The following EIF5 variants were observed in gnomAD, a reference collection of about 807,000 sequenced individuals.
EIF5 encodes eukaryotic translation initiation factor 5.
EIF5 carries 10 observed loss-of-function variants against 48.3 expected under a neutral mutation model. The ratio of observed to expected loss-of-function variants is 0.21; its 90% confidence interval spans 0.13 to 0.35. The LOEUF (loss-of-function observed/expected upper bound fraction) is 0.35, where lower values mean the gene tolerates loss of function less well. Ranked by LOEUF, EIF5 falls within the 10% of genes least tolerant of loss-of-function variation. The pLI is 1.00. For missense variants in EIF5, 397 were observed against 533.2 expected (o/e 0.74, Z 2.51); for synonymous variants, 237 against 173.1 (o/e 1.37, Z -2.90).
intron 5 of EIF5, 87 bp from the exon 6 acceptor site, chr14:103,337,029 G>C: frequency 7.3e-7 from 1 of 1,371,490 alleles, no homozygotes; most frequent in South Asian, 1.4e-5. Context: ...AGTTTTCTTT[G>C]CATGTGAAGC....
chr14:103,335,003 G>C (rs551729376), intron 2 of EIF5: 2 of 152,342 alleles, frequency 1.3e-5, no homozygotes, highest in Non-Finnish European at 1.5e-5. Flanking sequence ...GGAGCTGCCC[G>C]GTTCGCCAGC....
Position 103,338,726 on chromosome 14 carries a change from C to T in EIF5, c.586-9C>T. 2 of 1,611,194 alleles carry T rather than the reference C, an allele frequency of 1.2e-6. No homozygotes were observed. Among genetic ancestry groups the T allele is most frequent in the Admixed American group, 1.7e-5 (1 of 59,232 alleles). The stretch of plus-strand genomic sequence containing the variant: ...GCCTTTGATCAAGTAGCTCTGTTTT[C>T]ATAAACAGGAAGAAGAGGAGGATGA... On this transcript the variant is annotated splice_polypyrimidine_tract_variant and intron_variant, in intron 7 of 11. Coordinates refer to ENST00000216554, the MANE Select transcript of EIF5 (RefSeq NM_001969.5).
At chr14:103,337,825 C>T (rs1193863689) in intron 6 of EIF5, 3 of 505,824 alleles carry the variant, frequency 5.9e-6, no homozygotes, top group Admixed American at 2.0e-5. Context: ...AAAGAGGGCC[C>T]CCTTCATTAA....
In EIF5 at chr14:103,334,444, C is replaced by T. The variant is rs1253600592; in HGVS notation, c.-362C>T. The T allele has an allele frequency of 2.6e-5, 4 of 152,648 alleles. No homozygotes were observed. Among genetic ancestry groups the T allele is most frequent in the Admixed American group, 6.5e-5 (1 of 15,276 alleles). The allele number at this position is 152,648 out of a possible 1,614,324, so 9.5% of individuals were successfully genotyped here. A position where few individuals can be genotyped will look rare whatever the true frequency, so the allele number is the denominator to read the frequency against. ...ACCGCGGACGTCGCTGGGACAGCCC[C>T]TCCCCGCTGCTCGGCGGCGGCACCT... On this transcript the variant is annotated 5_prime_UTR_variant, in exon 2 of 12. Coordinates refer to ENST00000216554, the MANE Select transcript of EIF5 (RefSeq NM_001969.5).
At position 103,338,289 on chromosome 14, in the gene EIF5, T is replaced by C. The variant is rs575776506; in HGVS notation, c.440-38T>C. On this transcript the variant is annotated intron_variant, in intron 6 of 11. Transcript: ENST00000216554. Reference sequence around the variant, plus strand: ...ATGATGGGCAATGAGGTAATGTAAGTTATGGGGTTAAATTTTTATTTCCCT... The same window carrying C: ...ATGATGGGCAATGAGGTAATGTAAGCTATGGGGTTAAATTTTTATTTCCCT... The C allele has an allele frequency of 6.9e-6, 11 of 1,602,554 alleles. No homozygotes were observed. The Admixed American group carries it at 1.0e-4, about 15-fold the overall frequency.
At chr14:103,337,317 A>G (rs775025010) in intron 6 of EIF5, 90 bp downstream of exon 6, 11 of 1,140,648 alleles carry the variant, frequency 9.6e-6, no homozygotes, top group Non-Finnish European at 1.3e-5. Flanking sequence ...ATAGGAATGT[A>G]AGGGAGACTG....
rs755543880 is a variant in EIF5, at chr14:103,336,825, A to G, written c.303A>G (p.Glu101=). 8 of 1,613,332 alleles carry G rather than the reference A, an allele frequency of 5.0e-6. No homozygotes were observed. The African/African-American group carries it at 8.0e-5, about 16-fold the overall frequency. The change falls in exon 5 of 12, where the codon GAA becomes GAG. Residue 101 remains glutamate, a synonymous_variant. Transcript: ENST00000216554. ...GFIKKFVLCP[E]CENPETDLHV... is the part of the protein sequence containing the mutation. ...TTAAAAAATTTGTTCTCTGTCCTGA[A>G]TGTGAGAATCCTGAAACAGATTTGG...
intron 6 of EIF5, chr14:103,337,483 T>G: frequency 2.3e-6 from 1 of 443,316 alleles, no homozygotes; most frequent in Non-Finnish European, 4.0e-6. Flanking sequence ...GCTCCTGTAA[T>G]CCCAGCTACT....
Position 103,339,267 on chromosome 14 carries a change from A to T in EIF5, c.840A>T (p.Leu280=), listed in dbSNP as rs1566722469. ...TAAAAGCCATGGGCCCTCTTGTTCTAACTGAAGTTCTTTTTAATGAGAAGA... is the reference window on the plus strand; with the variant it reads ...TAAAAGCCATGGGCCCTCTTGTTCTTACTGAAGTTCTTTTTAATGAGAAGA... ...LDVKAMGPLV[L]TEVLFNEKIR... is the part of the protein sequence containing the mutation. Residue 280 remains leucine, a synonymous_variant, in exon 9 of 12, where the codon CTA becomes CTT. Coordinates refer to ENST00000216554, the MANE Select transcript of EIF5 (RefSeq NM_001969.5). The T allele has an allele frequency of 3.1e-6, 5 of 1,611,236 alleles. No homozygotes were observed. Among genetic ancestry groups the T allele is most frequent in the Non-Finnish European group, 4.2e-6 (5 of 1,179,362 alleles).
intron 7 of EIF5, 47 bp downstream of exon 7, chr14:103,338,519 T>C: frequency 6.5e-7 from 1 of 1,534,414 alleles, no homozygotes; most frequent in Non-Finnish European, 8.8e-7. Flanking sequence ...TTGTGTAAAG[T>C]ATATGGCATT....
chr14:103,335,193 A>T (rs575592161), intron 2 of EIF5: 1 of 152,298 alleles, frequency 6.6e-6, no homozygotes, highest in Non-Finnish European at 1.5e-5. Context: ...GAAGTAAGCC[A>T]TGGTTGCCGA....
In EIF5 at chr14:103,335,637, T is replaced by C; in HGVS notation, c.-208-16T>C. The C allele has an allele frequency of 1.8e-6, 1 of 568,176 alleles. No homozygotes were observed. Among genetic ancestry groups the C allele is most frequent in the Non-Finnish European group, 3.1e-6 (1 of 319,306 alleles). The allele number at this position is 568,176 out of a possible 1,614,324, so 35.2% of individuals were successfully genotyped here. A position where few individuals can be genotyped will look rare whatever the true frequency, so the allele number is the denominator to read the frequency against. On this transcript the variant is annotated splice_polypyrimidine_tract_variant and intron_variant, in intron 2 of 11. Coordinates refer to ENST00000216554, the MANE Select transcript of EIF5 (RefSeq NM_001969.5). Reference sequence around the variant, plus strand: ...CCTGGGGGGATTTTTGTGTGTTCTTTCCCTTTTTCTTTCAGAGCTGTTGCG... The same window carrying C: ...CCTGGGGGGATTTTTGTGTGTTCTTCCCCTTTTTCTTTCAGAGCTGTTGCG...
chr14:103,337,957 T>TTA, intron 6 of EIF5: 1 of 534,642 alleles, frequency 1.9e-6, no homozygotes, highest in Non-Finnish European at 3.7e-6. Flanking sequence ...GACAAGCCGT[T>TTA]ATATAGACTT....
rs1299269640 is a variant in EIF5 at position 103,337,214 on chromosome 14, C to T, written c.426C>T (p.Leu142=). 1 of 1,611,516 alleles carries T rather than the reference C, an allele frequency of 6.2e-7. No homozygotes were observed. Among genetic ancestry groups the T allele is most frequent in the Non-Finnish European group, 8.5e-7 (1 of 1,179,292 alleles). The part of the protein sequence containing the change: ...DTHHKLCTFI[L]KNPPENSDSG... ...ATCATAAACTCTGCACATTCATTCT[C>T]AAAAACCCACCTGGTGAGTCTTCCA... Residue 142 remains leucine, a synonymous_variant, in exon 6 of 12, where the codon CTC becomes CTT. Coordinates refer to ENST00000216554, the MANE Select transcript of EIF5 (RefSeq NM_001969.5).
intron 10 of EIF5, 95 bp from the exon 11 acceptor site, chr14:103,340,332 G>A: frequency 7.3e-7 from 1 of 1,377,854 alleles, no homozygotes; most frequent in Non-Finnish European, 1.0e-6. Context: ...AGACTTGTTA[G>A]GACCCAGTCC....
intron 6 of EIF5, 21 bp from the exon 7 acceptor site, chr14:103,338,306 T>C (rs774644625): frequency 6.2e-7 from 1 of 1,607,558 alleles, no homozygotes. Flanking sequence ...GTTAAATTTT[T>C]ATTTCCCTTT....
chr14:103,334,498 C>T lies in EIF5; in HGVS notation c.-308C>T, dbSNP rs2089257685. The T allele has an allele frequency of 6.9e-6, 1 of 144,544 alleles. No homozygotes were observed. Among genetic ancestry groups the T allele is most frequent in the African/African-American group, 2.5e-5 (1 of 39,238 alleles). 9.0% of individuals were successfully genotyped at this position (144,544 alleles called of 1,614,324 possible). On this transcript the variant is annotated 5_prime_UTR_variant, in exon 2 of 12. Transcript: ENST00000216554. Reference sequence around the variant, plus strand: ...CCGGCCGCTCCTCGCTGCGCTTCGCCTCCGCCTCCTCGGACTCGGACTCGG... The same window carrying T: ...CCGGCCGCTCCTCGCTGCGCTTCGCTTCCGCCTCCTCGGACTCGGACTCGG...
intron 6 of EIF5, 100 bp downstream of exon 6, chr14:103,337,327 GGGCACGGT>G: frequency 1.0e-6 from 1 of 996,998 alleles, no homozygotes; most frequent in Non-Finnish European, 1.5e-6. Flanking sequence ...AAGGGAGACT[GGGCACGGT>G]GGCTCATGCT....
rs908037804 is a variant in EIF5 at position 103,342,450 on chromosome 14, C to A, written c.*1398C>A. 1 of 152,176 alleles carries A rather than the reference C, an allele frequency of 6.6e-6. No homozygotes were observed. Among genetic ancestry groups the A allele is most frequent in the Non-Finnish European group, 1.5e-5 (1 of 68,028 alleles). 9.4% of individuals were successfully genotyped at this position (152,176 alleles called of 1,614,324 possible). A position where few individuals can be genotyped will look rare whatever the true frequency, so the allele number is the denominator to read the frequency against. ...CAAGGTTAAACCTCTTGGCAGTTAC[C>A]CTTTTCACAAAGTGCACAGTGGGAA... is the stretch of plus-strand genomic sequence containing the variant. On this transcript the variant is annotated 3_prime_UTR_variant, in exon 12 of 12. Transcript: ENST00000216554.
Sources: allele counts gnomAD v4.1 joint callset, GRCh38; gene constraint gnomAD v4.1.1; transcripts MANE v1.5; gene names NCBI Gene and HGNC (gene_info 2026-07-23, HGNC 2026-07-21).